The following ARB2A variants were observed in gnomAD, a reference collection of about 807,000 sequenced individuals.
ARB2A encodes the protein ARB2 cotranscriptional regulator A.
chr5:93,620,831 A>G, the ARB2A span: 2 of 978,324 alleles, frequency 2.0e-6, no homozygotes, highest in South Asian at 2.0e-5. Flanking sequence ...ACTCATCTAG[A>G]AATAATGCAA....
the ARB2A span, among the ~76,000 whole-genome samples, chr5:93,839,119 G>C: frequency 5.5e-4 from 83 of 152,270 alleles, 1 homozygote; most frequent in African/African-American, 1.8e-3. Flanking sequence ...TCACGTTCCA[G>C]TTTTCAAGGG....
chr5:94,000,556 G>C, the ARB2A span, among the ~76,000 whole-genome samples: 1 of 152,066 alleles, frequency 6.6e-6, no homozygotes, highest in Admixed American at 6.6e-5. Flanking sequence ...TTCAATAACA[G>C]TTCTTTATCA....
the ARB2A span, among the ~76,000 whole-genome samples, chr5:94,030,761 T>C: frequency 6.6e-6 from 1 of 152,232 alleles, no homozygotes; most frequent in Non-Finnish European, 1.5e-5. Flanking sequence ...TAGATTAATG[T>C]CTTTCTTGCA....
chr5:93,738,492 A>T, the ARB2A span: 2 of 152,256 alleles, frequency 1.3e-5, no homozygotes, highest in African/African-American at 2.4e-5. Flanking sequence ...ATAGATTATT[A>T]TATGTAAATG....
the ARB2A span, among the ~76,000 whole-genome samples, chr5:93,806,459 T>C: frequency 6.6e-6 from 1 of 151,912 alleles, no homozygotes. Flanking sequence ...TCCTCATATA[T>C]GTTATTTACA....
At chr5:93,975,156 A>T in the ARB2A span, among the ~76,000 whole-genome samples, 2 of 151,950 alleles carry the variant, frequency 1.3e-5, no homozygotes, top group Non-Finnish European at 2.9e-5. Context: ...CTACTAAAAA[A>T]ATACAAAAAA....
At chr5:93,644,232 G>T in the ARB2A span, among the ~76,000 whole-genome samples, 1 of 152,180 alleles carries the variant, frequency 6.6e-6, no homozygotes, top group Admixed American at 6.5e-5. Context: ...GCCAGTTGGT[G>T]GTTTCAGTGT....
At chr5:93,897,086 T>C in the ARB2A span, among the ~76,000 whole-genome samples, 2 of 152,002 alleles carry the variant, frequency 1.3e-5, no homozygotes, top group African/African-American at 4.8e-5. Context: ...TAATTTAGTG[T>C]ATAAAAGCAA....
At chr5:94,044,054 C>A in the ARB2A span, among the ~76,000 whole-genome samples, 1 of 152,088 alleles carries the variant, frequency 6.6e-6, no homozygotes, top group Non-Finnish European at 1.5e-5. Context: ...TTTGGCTAAC[C>A]CTGCTTATTC....
At chr5:94,004,328 T>A in the ARB2A span, among the ~76,000 whole-genome samples, 1 of 152,088 alleles carries the variant, frequency 6.6e-6, no homozygotes, top group South Asian at 2.1e-4. Flanking sequence ...TGCATTAGAA[T>A]TAAAAACTTT....
chr5:93,908,930 A>G, the ARB2A span, among the ~76,000 whole-genome samples: 1 of 151,062 alleles, frequency 6.6e-6, no homozygotes, highest in African/African-American at 2.4e-5. Context: ...GGAGTGAAGA[A>G]GTTGGGAATT....
the ARB2A span, among the ~76,000 whole-genome samples, chr5:93,705,374 T>C: frequency 5.3e-5 from 8 of 152,274 alleles, no homozygotes; most frequent in East Asian, 7.7e-4. Context: ...ATTTTAAATA[T>C]AGAGGGCTAG....
At chr5:93,830,317 A>G in the ARB2A span, among the ~76,000 whole-genome samples, 16,283 of 55,332 alleles carry the variant, frequency 0.29, 1,979 homozygotes, top group African/African-American at 0.33. Context: ...GTGTGTATAT[A>G]TATATATATA....
chr5:94,050,061 TC>T, the ARB2A span, among the ~76,000 whole-genome samples: 1 of 151,848 alleles, frequency 6.6e-6, no homozygotes, highest in South Asian at 2.1e-4. Flanking sequence ...CACCTCAGCC[TC>T]CCAAGTAACT....
the ARB2A span, among the ~76,000 whole-genome samples, chr5:93,788,024 GT>G: frequency 1.3e-5 from 2 of 152,126 alleles, no homozygotes; most frequent in Non-Finnish European, 2.9e-5. Flanking sequence ...CACTCATAGT[GT>G]TTTCACTTGA....
chr5:93,624,790 A>C, the ARB2A span, among the ~76,000 whole-genome samples: 2 of 152,216 alleles, frequency 1.3e-5, no homozygotes, highest in African/African-American at 4.8e-5. Flanking sequence ...ATTGTTCTGC[A>C]TCCCACATGA....
chr5:93,861,620 T>C, the ARB2A span: 1 of 151,964 alleles, frequency 6.6e-6, no homozygotes, highest in African/African-American at 2.4e-5. Flanking sequence ...TTAACGTCTC[T>C]GAAAAAAAAA....
the ARB2A span, among the ~76,000 whole-genome samples, chr5:93,715,393 T>A: frequency 6.6e-6 from 1 of 152,228 alleles, no homozygotes; most frequent in Non-Finnish European, 1.5e-5. Context: ...TTAAATTTTG[T>A]CATAACATGT....
At chr5:93,666,980 A>G in the ARB2A span, among the ~76,000 whole-genome samples, 3 of 152,216 alleles carry the variant, frequency 2.0e-5, no homozygotes, top group African/African-American at 7.2e-5. Context: ...TAAAATTTTT[A>G]TTCCTTTGGA....
Sources: gnomAD v4.1 joint callset for allele counts (sites outside exome capture counted in the v4.1 genomes callset) on GRCh38, gnomAD v4.1.1 for gene constraint, MANE v1.5 for transcripts, NCBI Gene and HGNC (gene_info 2026-07-23, HGNC 2026-07-21) for gene names.